MOV10L1: variants seen among roughly 807,000 people sequenced by gnomAD.
MOV10L1 encodes RNA helicase Mov10l1.
MOV10L1 carries 110 observed loss-of-function variants against 143.8 expected under a neutral mutation model. The observed-to-expected ratio is 0.76, with a 90% confidence interval of 0.66 to 0.90. The LOEUF (loss-of-function observed/expected upper bound fraction) is 0.90. MOV10L1 is among the 40% of genes least tolerant of loss of function. The pLI, the probability that MOV10L1 is intolerant of heterozygous loss-of-function variation, is 0.00. For missense variants in MOV10L1, 1,406 were observed against 1,526.8 expected, an observed-to-expected ratio of 0.92 and a Z score of 1.32; for synonymous variants, 593 against 581.1, an observed-to-expected ratio of 1.02 and a Z score of -0.29.
At chr22:50,097,856 CAG>C (rs2062628473) in intron 2 of MOV10L1, among the ~76,000 whole-genome samples, 1 of 152,058 alleles carries the variant, frequency 6.6e-6, no homozygotes, top group South Asian at 2.1e-4. Flanking sequence ...TTGTTTGAGA[CAG>C]AGTCTTGCTC....
intron 8 of MOV10L1, 137 bp downstream of exon 8, chr22:50,115,383 G>A: frequency 2.0e-6 from 2 of 988,288 alleles, no homozygotes; most frequent in Admixed American, 7.3e-5. Context: ...TGGCCACCAT[G>A]GCGAAACCCC....
chr22:50,118,433 A>G (rs981708542), intron 9 of MOV10L1, among the ~76,000 whole-genome samples: 5 of 152,192 alleles, frequency 3.3e-5, no homozygotes, highest in African/African-American at 4.8e-5. Context: ...CCCTGGGCAT[A>G]TTATTATTGA....
At position 50,159,613 on chromosome 22, in the gene MOV10L1, A is replaced by T; in HGVS notation, c.3217-65A>T. ...TAATACTCCATCTCAAAAAAAAAAAAGGAAAAGAAAAGAAATGGATTTGTA... is the reference window on the plus strand; with the variant it reads ...TAATACTCCATCTCAAAAAAAAAAATGGAAAAGAAAAGAAATGGATTTGTA... On this transcript the variant is annotated intron_variant, in intron 23 of 26. Transcript: ENST00000262794. This position sits in a 1 kb window ranked among gnomAD's most constrained non-coding sequence, Gnocchi z 4.1. 5 of 1,133,410 alleles carry T rather than the reference A, an allele frequency of 4.4e-6. No individual in the cohort carries two copies. Among genetic ancestry groups the T allele is most frequent in the South Asian group, 1.4e-5 (1 of 68,978 alleles). The allele number at this position is 1,133,410 out of a possible 1,614,324, so 70.2% of individuals were successfully genotyped here. A position where few individuals can be genotyped will look rare whatever the true frequency, so the allele number is the denominator to read the frequency against.
At chr22:50,130,401 C>T (rs1429464991) in intron 13 of MOV10L1, among the ~76,000 whole-genome samples, 5 of 151,910 alleles carry the variant, frequency 3.3e-5, no homozygotes, top group Non-Finnish European at 5.9e-5. Flanking sequence ...TCTGAGAAAT[C>T]GGCAGTATTT....
chr22:50,140,281 C>T (rs567280963), intron 15 of MOV10L1, among the ~76,000 whole-genome samples: 6 of 152,310 alleles, frequency 3.9e-5, no homozygotes, highest in South Asian at 2.1e-4. Context: ...CGGCACAAGG[C>T]GGCTCTGGGG....
At chr22:50,102,649 C>T (rs1053920113) in intron 3 of MOV10L1, among the ~76,000 whole-genome samples, 6 of 152,182 alleles carry the variant, frequency 3.9e-5, no homozygotes, top group African/African-American at 1.4e-4. Flanking sequence ...CACCTGTCAT[C>T]CCAGCACTTT....
chr22:50,110,743 C>A (rs1295209944), intron 5 of MOV10L1, among the ~76,000 whole-genome samples: 2 of 151,680 alleles, frequency 1.3e-5, no homozygotes, highest in African/African-American at 4.8e-5. Flanking sequence ...ACAGCCTGGG[C>A]AACACGGTGA....
In MOV10L1 at chr22:50,145,780, G is replaced by C. The variant is rs760141751; in HGVS notation, c.2597G>C (p.Ser866Thr). The change falls in exon 19 of 27, where the codon AGC (serine) becomes ACC (threonine). Residue 866 changes from serine to threonine, a missense_variant. Physicochemically the swap from Ser to Thr is moderately conservative, Grantham distance 58 (BLOSUM62 1). Coordinates refer to ENST00000262794, the MANE Select transcript of MOV10L1 (RefSeq NM_018995.3). ...RFRIIITTCS[S>T]SGLFYQIGVR... is the part of the protein sequence containing the mutation. ...CGGATAATCATCACCACATGCAGCA[G>C]CTCAGGGCTGTTTTACCAAATAGGA... The C allele has an allele frequency of 6.2e-7, 1 of 1,614,114 alleles. No individual in the cohort carries two copies. Among genetic ancestry groups the C allele is most frequent in the South Asian group, 1.1e-5 (1 of 91,086 alleles).
chr22:50,130,663 C>CAGCTGT (rs1298645407), intron 13 of MOV10L1, among the ~76,000 whole-genome samples: 1 of 143,336 alleles, frequency 7.0e-6, no homozygotes, highest in Non-Finnish European at 1.6e-5. Flanking sequence ...AAGGAAGGGG[C>CAGCTGT]AGCTGTGTTG....
chr22:50,158,322 A>G lies in MOV10L1; in HGVS notation c.3216+116A>G. The G allele has an allele frequency of 7.5e-7, 1 of 1,332,934 alleles. No homozygotes were observed. Among genetic ancestry groups the G allele is most frequent in the Non-Finnish European group, 1.0e-6 (1 of 970,362 alleles). 82.6% of individuals were successfully genotyped at this position (1,332,934 alleles called of 1,614,324 possible). A position where few individuals can be genotyped will look rare whatever the true frequency, so the allele number is the denominator to read the frequency against. On this transcript the variant is annotated intron_variant, in intron 23 of 26. Coordinates refer to ENST00000262794, the MANE Select transcript of MOV10L1 (RefSeq NM_018995.3). The surrounding 1 kb of genome is among the most constrained non-coding windows in gnomAD (Gnocchi z 5.0). ...CTTGTGAGCAGCAGCAGGTTTTTAA[A>G]GGGGCAGGACCGCACTTGAATGTCG...
intron 12 of MOV10L1, among the ~76,000 whole-genome samples, chr22:50,126,601 A>T (rs2062513419): frequency 6.6e-6 from 1 of 151,798 alleles, no homozygotes; most frequent in Admixed American, 6.5e-5. Context: ...ATGAGTTTGC[A>T]GCTCTGATGT....
chr22:50,113,882 CATTT>C (rs1427798150), intron 6 of MOV10L1, 94 bp downstream of exon 6: 1 of 768,454 alleles, frequency 1.3e-6, no homozygotes, highest in Non-Finnish European at 1.9e-6. Context: ...TTACTTTGGT[CATTT>C]ATTTTTTTCT....
chr22:50,101,415 A>G (rs932322955), intron 3 of MOV10L1, among the ~76,000 whole-genome samples: 6 of 147,944 alleles, frequency 4.1e-5, no homozygotes, highest in African/African-American at 1.5e-4. Context: ...CGGGGTTTCA[A>G]TGTGTTAGCC....
chr22:50,101,258 C>T (rs1015392621), intron 3 of MOV10L1, among the ~76,000 whole-genome samples: 1 of 152,174 alleles, frequency 6.6e-6, no homozygotes, highest in Admixed American at 6.6e-5. Flanking sequence ...CTCTGTTTCC[C>T]AGGCTGGAGT....
intron 12 of MOV10L1, among the ~76,000 whole-genome samples, chr22:50,127,778 T>TTG (rs200556421): frequency 3.2e-5 from 3 of 92,410 alleles, no homozygotes; most frequent in South Asian, 4.4e-4. Flanking sequence ...CTGTTTTTTT[T>TTG]GTTTTTTTTT....
intron 10 of MOV10L1, among the ~76,000 whole-genome samples, chr22:50,123,878 G>C (rs2062421468): frequency 6.6e-6 from 1 of 152,094 alleles, no homozygotes; most frequent in African/African-American, 2.4e-5. Context: ...TTTAGTCTTG[G>C]TAGGTTTTGT....
chr22:50,144,625 A>C (rs557404283), intron 18 of MOV10L1, among the ~76,000 whole-genome samples: 2 of 150,714 alleles, frequency 1.3e-5, no homozygotes, highest in Non-Finnish European at 2.9e-5. Context: ...TGTGTCGCCC[A>C]GGCTGAAGTG....
chr22:50,126,290 T>TA lies in MOV10L1; in HGVS notation c.1818+20dup. ...TGACTGAGGTGAGAGCACTCTCTCT[T>TA]AATGAGTTTGTGTTAGACACACCCT... On this transcript the variant is annotated intron_variant, in intron 12 of 26. Coordinates refer to ENST00000262794, the MANE Select transcript of MOV10L1 (RefSeq NM_018995.3). 1 of 1,593,224 alleles carries TA rather than the reference T, an allele frequency of 6.3e-7. No individual in the cohort carries two copies. Among genetic ancestry groups the TA allele is most frequent in the Non-Finnish European group, 8.6e-7 (1 of 1,161,272 alleles).
Position 50,161,063 on chromosome 22 carries a change from C to T in MOV10L1, c.3554+8C>T. 1 of 1,612,664 alleles carries T rather than the reference C, an allele frequency of 6.2e-7. No individual in the cohort carries two copies. On this transcript the variant is annotated splice_region_variant and intron_variant, in intron 26 of 26. Coordinates refer to ENST00000262794, the MANE Select transcript of MOV10L1 (RefSeq NM_018995.3). ...ACTGCAGTCTCTGCAAAAGTGAGCG[C>T]TTCTGCTGTCTTCCTCAAAGACAGG...
Sources: allele counts gnomAD v4.1 joint callset (sites outside exome capture counted in the v4.1 genomes callset), GRCh38; gene constraint gnomAD v4.1.1; non-coding constraint Gnocchi (gnomAD v3.1); transcripts MANE v1.5; gene names NCBI Gene and HGNC (gene_info 2026-07-23, HGNC 2026-07-21).